DNAAF11: variants seen among roughly 807,000 people sequenced by gnomAD.
DNAAF11 encodes the protein dynein axonemal assembly factor 11.
Under a neutral mutation model 60.8 loss-of-function variants are expected in DNAAF11, and 45 were observed. That is an observed-to-expected ratio of 0.74 (90% CI 0.58 to 0.95). DNAAF11 has a LOEUF of 0.95. Ranked by LOEUF, DNAAF11 falls within the 40% of genes least tolerant of loss-of-function variation. The pLI, the probability that DNAAF11 is intolerant of heterozygous loss-of-function variation, is 0.00. For synonymous variants in DNAAF11, 191 were observed against 183.5 expected (o/e 1.04, Z -0.33); for missense variants, 546 against 546.2 (o/e 1.00, Z 0.00).
the DNAAF11 span, among the ~76,000 whole-genome samples, chr8:132,689,097 T>C: frequency 2.0e-5 from 3 of 152,296 alleles, no homozygotes; most frequent in South Asian, 4.1e-4. Context: ...GGTGATGTGA[T>C]TAGAGAGGAA....
intron 11 of DNAAF11, among the ~76,000 whole-genome samples, chr8:132,577,384 T>C (rs1457648903): frequency 5.3e-5 from 8 of 152,192 alleles, no homozygotes; most frequent in Admixed American, 5.2e-4. Context: ...TTTAAGTCTA[T>C]CTTAGGTATT....
At chr8:132,600,375 C>A (rs986092720) in intron 10 of DNAAF11, among the ~76,000 whole-genome samples, 4 of 152,076 alleles carry the variant, frequency 2.6e-5, no homozygotes, top group Non-Finnish European at 5.9e-5. Flanking sequence ...TCAATGCCAT[C>A]CCCATCAAGC....
Position 132,638,020 on chromosome 8 carries a change from A to C in DNAAF11, c.344T>G (p.Leu115Arg). 6.2e-7 allele frequency: 1 copy of C among 1,614,150 alleles called. No homozygotes were observed. Among genetic ancestry groups the C allele is most frequent in the Non-Finnish European group, 8.5e-7 (1 of 1,179,964 alleles). ...SIKNLQHNIH[L>R]KELFLMGNPC... ...GTTCCCCATGAGAAAGAGCTCCTTC[A>C]GATGGATATTGTGCTGCAAGTTTTT... The change falls in exon 4 of 12, where the codon CTG becomes CGG. Residue 115 changes from leucine to arginine, a missense_variant. By Grantham distance (102) the Leu-to-Arg change is moderately radical. Coordinates refer to ENST00000620350, the MANE Select transcript of DNAAF11 (RefSeq NM_012472.6).
At chr8:132,678,276 T>C (rs552557714), upstream of DNAAF11, among the ~76,000 whole-genome samples, 4 of 152,196 alleles carry the variant, frequency 2.6e-5, no homozygotes, top group Admixed American at 6.5e-5. Context: ...TTGCCACCAA[T>C]GGCTATAAAT....
intron 3 of DNAAF11, among the ~76,000 whole-genome samples, chr8:132,645,720 T>A (rs890917084): frequency 3.3e-5 from 5 of 151,692 alleles, no homozygotes; most frequent in Admixed American, 6.6e-5. Flanking sequence ...GCCGATCAAG[T>A]GGAAGAAGGG....
chr8:132,654,526 T>C (rs1048968305), intron 3 of DNAAF11, among the ~76,000 whole-genome samples: 1 of 151,900 alleles, frequency 6.6e-6, no homozygotes, highest in Non-Finnish European at 1.5e-5. Flanking sequence ...TGTTGGGCCA[T>C]AAAACAAGTC....
At chr8:132,643,347 C>A in intron 3 of DNAAF11, 1 of 211,812 alleles carries the variant, frequency 4.7e-6, no homozygotes, top group Admixed American at 5.1e-5. Flanking sequence ...TTGTCACCAC[C>A]CAGCAGAGGT....
upstream of DNAAF11, among the ~76,000 whole-genome samples, chr8:132,678,661 A>G (rs1825822506): frequency 6.6e-6 from 1 of 152,072 alleles, no homozygotes; most frequent in Non-Finnish European, 1.5e-5. Flanking sequence ...CTGAGATTAC[A>G]GGTGTGAGCT....
chr8:132,615,037 C>T lies in DNAAF11; in HGVS notation c.974+1G>A. On this transcript the variant is annotated splice_donor_variant, in intron 8 of 11. Coordinates refer to ENST00000620350, the MANE Select transcript of DNAAF11 (RefSeq NM_012472.6). LOFTEE classifies it high-confidence loss of function. ...AATAAATACGTAGAAAATGTCTTTA[C>T]CTATAGACAGCAAGGTCCAGGATGA... is the stretch of plus-strand genomic sequence containing the variant. 6.3e-7 allele frequency: 1 copy of T among 1,578,478 alleles called. No individual in the cohort carries two copies. The highest frequency in any genetic ancestry group is 8.7e-7 in the Non-Finnish European group (1 of 1,150,138).
At chr8:132,697,286 G>A in the DNAAF11 span, among the ~76,000 whole-genome samples, 2 of 152,148 alleles carry the variant, frequency 1.3e-5, no homozygotes, top group African/African-American at 4.8e-5. Context: ...TCATTAAATT[G>A]TATACTTGAA....
intron 6 of DNAAF11, among the ~76,000 whole-genome samples, chr8:132,624,048 T>G (rs1045334906): frequency 6.6e-6 from 1 of 152,150 alleles, no homozygotes; most frequent in African/African-American, 2.4e-5. Flanking sequence ...TAAAAAAAAT[T>G]TCTCCTTATT....
At chr8:132,591,254 T>C (rs77735231) in intron 10 of DNAAF11, among the ~76,000 whole-genome samples, 113 of 152,172 alleles carry the variant, frequency 7.4e-4, no homozygotes, top group Non-Finnish European at 1.4e-3. Flanking sequence ...TAAAAAACTT[T>C]TTTTTTAAAT....
At chr8:132,678,813 T>A (rs1825825247), upstream of DNAAF11, among the ~76,000 whole-genome samples, 1 of 151,728 alleles carries the variant, frequency 6.6e-6, no homozygotes, top group Admixed American at 6.6e-5. Context: ...TAAATTTTTA[T>A]TCTTGAGAAA....
intron 10 of DNAAF11, among the ~76,000 whole-genome samples, chr8:132,593,891 A>G (rs926543910): frequency 1.3e-5 from 2 of 152,208 alleles, no homozygotes; most frequent in African/African-American, 4.8e-5. Context: ...TAAAAATCCA[A>G]CTGAAATGAA....
In DNAAF11 at chr8:132,656,653, G is replaced by GTATTTTAGTATTT. The variant is rs1563695727; in HGVS notation, c.256+176_256+177insAAATACTAAAATA. Among the ~76,000 whole-genome samples the GTATTTTAGTATTT allele has an allele frequency of 1.1e-4, 17 of 152,234 alleles. No individual in the cohort carries two copies. The South Asian group carries it at 3.3e-3, about 30-fold the overall frequency. On this transcript the variant is annotated intron_variant, in intron 3 of 11. Transcript: ENST00000620350. ...CGCCTGGCTAATTTTTGTATTTTTA[G>GTATTTTAGTATTT]TAGAGACGGGGTTTAATCATATTGG...
Position 132,672,587 on chromosome 8 carries a change from T to C in DNAAF11, c.10+2897A>G, listed in dbSNP as rs571323847. On this transcript the variant is annotated intron_variant, in intron 1 of 11. Coordinates refer to ENST00000620350, the MANE Select transcript of DNAAF11 (RefSeq NM_012472.6). ...CTGCTTAACCTCTTTGTGCTCCAGA[T>C]TCCTCATCTGCAAAATGGAGGTGAT... is the stretch of plus-strand genomic sequence containing the variant. Among the ~76,000 whole-genome samples, 3 of 152,320 alleles carry C rather than the reference T, an allele frequency of 2.0e-5. No homozygotes were observed. In the South Asian group the frequency reaches 6.2e-4, roughly 32 times the overall value.
intron 1 of DNAAF11, among the ~76,000 whole-genome samples, chr8:132,665,252 A>G (rs1824520612): frequency 6.6e-6 from 1 of 152,136 alleles, no homozygotes; most frequent in African/African-American, 2.4e-5. Flanking sequence ...CCCGAGAAGA[A>G]ATGTGTAAAG....
chr8:132,616,854 A>T (rs955329591), intron 7 of DNAAF11, among the ~76,000 whole-genome samples: 2 of 152,114 alleles, frequency 1.3e-5, no homozygotes, highest in African/African-American at 4.8e-5. Flanking sequence ...AACAAAGGAG[A>T]GCAGGAGTTT....
chr8:132,678,332 A>G (rs1330047802), upstream of DNAAF11, among the ~76,000 whole-genome samples: 1 of 152,232 alleles, frequency 6.6e-6, no homozygotes, highest in African/African-American at 2.4e-5. Context: ...CATTCCCTAT[A>G]GTTTAACAAT....
Sources: gnomAD v4.1 joint callset for allele counts (sites outside exome capture counted in the v4.1 genomes callset) on GRCh38, gnomAD v4.1.1 for gene constraint, MANE v1.5 for transcripts, NCBI Gene and HGNC (gene_info 2026-07-23, HGNC 2026-07-21) for gene names.